RASAL2: variants seen among roughly 807,000 people sequenced by gnomAD.
The protein encoded by RASAL2 is ras GTPase-activating protein nGAP.
RASAL2 carries 58 observed loss-of-function variants against 128.9 expected under a neutral mutation model. The ratio of observed to expected loss-of-function variants is 0.45; its 90% CI spans 0.36 to 0.56. The LOEUF (loss-of-function observed/expected upper bound fraction) is 0.56. RASAL2 is among the 20% of genes least tolerant of loss of function. The pLI is 0.00. For synonymous variants in RASAL2, 561 were observed against 580.8 expected, an observed-to-expected ratio of 0.97 and a Z score of 0.49; for missense variants, 1,360 against 1,601.6, an observed-to-expected ratio of 0.85 and a Z score of 2.57.
In RASAL2 at chr1:178,334,337, T is replaced by C. The variant is rs1394875776; in HGVS notation, c.457+34219T>C. Reference sequence around the variant, plus strand: ...AAAAATCATTCATTTATTGCAACTTTTTTTTCTTTTTTTTTTTTGAGATGG... The same window carrying C: ...AAAAATCATTCATTTATTGCAACTTCTTTTTCTTTTTTTTTTTTGAGATGG... On this transcript the variant is annotated intron_variant, in intron 3 of 17. Transcript: ENST00000367649. Among the ~76,000 whole-genome samples the C allele has an allele frequency of 5.3e-5, 8 of 151,644 alleles. No individual in the cohort carries two copies. The East Asian group carries it at 1.5e-3, about 29-fold the overall frequency.
chr1:178,236,046 G>T (rs756952869), intron 1 of RASAL2, among the ~76,000 whole-genome samples: 6 of 151,868 alleles, frequency 4.0e-5, no homozygotes, highest in Non-Finnish European at 7.4e-5. Flanking sequence ...ACTTTCTCCT[G>T]CCTACCAGTA....
intron 1 of RASAL2, among the ~76,000 whole-genome samples, chr1:178,198,958 C>G (rs1271677393): frequency 2.0e-5 from 3 of 152,204 alleles, no homozygotes; most frequent in Non-Finnish European, 4.4e-5. Context: ...CCTCATTGAG[C>G]TGCGGTGGGC....
intron 1 of RASAL2, among the ~76,000 whole-genome samples, chr1:178,180,570 C>T (rs1011603490): frequency 7.4e-5 from 11 of 147,976 alleles, no homozygotes; most frequent in African/African-American, 2.7e-4. Flanking sequence ...AGGAGGCTGA[C>T]GTGAGAGAAT....
rs187567576 is a variant in RASAL2, at chr1:178,434,735, G to A, written c.675-4687G>A. Reference sequence around the variant, plus strand: ...CTTTGCACATAAGTAGAGCTCTGGCGAATGAGCTCTAATTTCTTTTTTTTT... The same window carrying A: ...CTTTGCACATAAGTAGAGCTCTGGCAAATGAGCTCTAATTTCTTTTTTTTT... On this transcript the variant is annotated intron_variant, in intron 5 of 17. Coordinates refer to ENST00000367649, the MANE Select transcript of RASAL2 (RefSeq NM_170692.4). 1.8e-4 allele frequency among the ~76,000 whole-genome samples: 28 copies of A among 151,756 alleles called. No homozygotes were observed. In the East Asian group the frequency reaches 2.7e-3, roughly 15 times the overall value.
At chr1:178,108,870 A>G (rs1659194549) in intron 1 of RASAL2, among the ~76,000 whole-genome samples, 1 of 152,230 alleles carries the variant, frequency 6.6e-6, no homozygotes, top group South Asian at 2.1e-4. Context: ...CGTAGATAAC[A>G]TGAGGAAGCT....
intron 3 of RASAL2, among the ~76,000 whole-genome samples, chr1:178,320,663 C>T (rs1026578672): frequency 3.1e-4 from 47 of 152,222 alleles, no homozygotes; most frequent in African/African-American, 1.0e-3. Flanking sequence ...GCACACGGTG[C>T]GCGCACCCAC....
chr1:178,291,859 A>C (rs1667293780), intron 2 of RASAL2, among the ~76,000 whole-genome samples: 1 of 152,040 alleles, frequency 6.6e-6, no homozygotes, highest in African/African-American at 2.4e-5. Flanking sequence ...ATATGGTGAA[A>C]TCCTGTCTCT....
chr1:178,372,087 A>G (rs757760260), intron 3 of RASAL2: 87 of 843,602 alleles, frequency 1.0e-4, no homozygotes, highest in Non-Finnish European at 1.2e-4. Flanking sequence ...GACAGAATTC[A>G]GAGTGGAGGG....
At chr1:178,369,087 G>A (rs1301146038) in intron 3 of RASAL2, among the ~76,000 whole-genome samples, 1 of 152,100 alleles carries the variant, frequency 6.6e-6, no homozygotes, top group Non-Finnish European at 1.5e-5. Flanking sequence ...TATAAAAAGA[G>A]GAAAACAGTG....
At chr1:178,133,629 G>C (rs998555457) in intron 1 of RASAL2, among the ~76,000 whole-genome samples, 1 of 151,954 alleles carries the variant, frequency 6.6e-6, no homozygotes, top group Non-Finnish European at 1.5e-5. Context: ...GGTACTTTAG[G>C]GTTATTAGGT....
chr1:178,357,166 T>A (rs1475612026), intron 3 of RASAL2, among the ~76,000 whole-genome samples: 1 of 152,238 alleles, frequency 6.6e-6, no homozygotes, highest in East Asian at 1.9e-4. Context: ...TCAGCCTGTC[T>A]TTTGCTATTT....
intron 3 of RASAL2, among the ~76,000 whole-genome samples, chr1:178,360,797 G>T (rs368824144): frequency 6.6e-6 from 1 of 152,152 alleles, no homozygotes; most frequent in Non-Finnish European, 1.5e-5. Context: ...TTTTCACCTC[G>T]CTTCCAGTGG....
At chr1:178,466,192 C>T in intron 16 of RASAL2, 70 bp downstream of exon 16, 1 of 1,434,102 alleles carries the variant, frequency 7.0e-7, no homozygotes, top group African/African-American at 1.4e-5. Flanking sequence ...CCACAGAACC[C>T]TGAAGGAATG....
At chr1:178,247,374 C>T (rs2102070793) in intron 1 of RASAL2, among the ~76,000 whole-genome samples, 1 of 152,076 alleles carries the variant, frequency 6.6e-6, no homozygotes, top group East Asian at 1.9e-4. Context: ...ATAGTATTCT[C>T]TGATGGTAGT....
At chr1:178,394,900 A>C (rs1252006124) in intron 4 of RASAL2, among the ~76,000 whole-genome samples, 5 of 152,204 alleles carry the variant, frequency 3.3e-5, no homozygotes, top group African/African-American at 9.6e-5. Context: ...GAAGAATCTA[A>C]AGCCCTGGGA....
intron 1 of RASAL2, among the ~76,000 whole-genome samples, chr1:178,265,644 A>G (rs1378726155): frequency 1.3e-5 from 2 of 152,224 alleles, no homozygotes; most frequent in Non-Finnish European, 2.9e-5. Flanking sequence ...GATAATGTAC[A>G]CAAAGTACAT....
Position 178,447,673 on chromosome 1 carries a change from T to TAAAA in RASAL2, c.1627+2036_1627+2039dup, listed in dbSNP as rs60358768. ...GAGACAAGAGCAAAACTCCTTCTCT[T>TAAAA]AAAAAAAAAAAAAAAAAAAAAAAAA... is the stretch of plus-strand genomic sequence containing the variant. On this transcript the variant is annotated intron_variant, in intron 9 of 17. Coordinates refer to ENST00000367649, the MANE Select transcript of RASAL2 (RefSeq NM_170692.4). 9.9e-3 allele frequency among the ~76,000 whole-genome samples: 554 copies of TAAAA among 56,000 alleles called. 25 individuals carry two copies. The highest frequency in any genetic ancestry group is 0.023 in the African/African-American group (331 of 14,426). The allele number at this position is 56,000 out of a possible 152,430, so 36.7% of individuals were successfully genotyped here.
intron 1 of RASAL2, among the ~76,000 whole-genome samples, chr1:178,139,542 T>G (rs539087055): frequency 1.3e-5 from 2 of 152,236 alleles, no homozygotes; most frequent in South Asian, 4.1e-4. Context: ...TAATTCCCAA[T>G]ATGGCACAGA....
intron 1 of RASAL2, among the ~76,000 whole-genome samples, chr1:178,235,701 G>A (rs892863378): frequency 1.3e-5 from 2 of 152,068 alleles, no homozygotes; most frequent in Non-Finnish European, 1.5e-5. Flanking sequence ...TATAAAGACC[G>A]GATCAAGTGC....
Sources: gnomAD v4.1 joint callset for allele counts (sites outside exome capture counted in the v4.1 genomes callset) on GRCh38, gnomAD v4.1.1 for gene constraint, MANE v1.5 for transcripts, NCBI Gene and HGNC (gene_info 2026-07-23, HGNC 2026-07-21) for gene names.